NKD1: variants seen among roughly 807,000 people sequenced by gnomAD.
NKD1 encodes the protein protein naked cuticle homolog 1.
A neutral mutation model predicts 56.0 loss-of-function variants in NKD1; 21 were observed. That is an observed-to-expected ratio of 0.38 (90% CI 0.27 to 0.54). The LOEUF (loss-of-function observed/expected upper bound fraction) is 0.54. Among genes scored for constraint, NKD1 ranks in the 20% least tolerant of loss-of-function variants. The pLI is 0.82. For synonymous variants in NKD1, 263 were observed against 265.7 expected (o/e 0.99, Z 0.10); for missense variants, 578 against 642.7 (o/e 0.90, Z 1.09).
In NKD1 at chr16:50,592,234, C is replaced by T. The variant is rs560971525; in HGVS notation, c.193-16060C>T. ...CAAGGCCAGCGCGTTGCTGCTGCCG[C>T]CGCCTGGGGGCTGCTGGACTGGGCG... On this transcript the variant is annotated intron_variant, in intron 3 of 9. Transcript: ENST00000268459. 6.2e-4 allele frequency among the ~76,000 whole-genome samples: 95 copies of T among 152,336 alleles called. 1 individual carries two copies. Among genetic ancestry groups the T allele is most frequent in the African/African-American group, 2.2e-3 (92 of 41,590 alleles).
intron 3 of NKD1, chr16:50,572,974 T>A: frequency 1.6e-6 from 1 of 644,300 alleles, no homozygotes; most frequent in Non-Finnish European, 1.9e-6. Context: ...GCCTGCTGCC[T>A]AGCAGTTGTG....
intron 3 of NKD1, among the ~76,000 whole-genome samples, chr16:50,559,713 A>G (rs912681486): frequency 1.3e-5 from 2 of 152,140 alleles, no homozygotes; most frequent in Non-Finnish European, 2.9e-5. Flanking sequence ...TCAGGTTGGA[A>G]GAGGTAGGGA....
intron 3 of NKD1, among the ~76,000 whole-genome samples, chr16:50,589,786 C>T (rs1002493185): frequency 5.3e-5 from 6 of 112,394 alleles, no homozygotes; most frequent in South Asian, 3.5e-4. Context: ...CCTCTCCTCT[C>T]CTCTCCTCTC....
At chr16:50,616,806 T>G (rs1010542972) in intron 4 of NKD1, among the ~76,000 whole-genome samples, 1 of 152,146 alleles carries the variant, frequency 6.6e-6, no homozygotes, top group Non-Finnish European at 1.5e-5. Context: ...AAGCTGCCCC[T>G]CCTCAAGACA....
chr16:50,562,671 G>A (rs968172574), intron 3 of NKD1, among the ~76,000 whole-genome samples: 1 of 152,108 alleles, frequency 6.6e-6, no homozygotes, highest in East Asian at 1.9e-4. Flanking sequence ...CTGAGCCTGA[G>A]TCAGAACCTT....
In NKD1 at chr16:50,548,649, C is replaced by T. The variant is rs1239163034; in HGVS notation, c.26-68C>T. 4 of 1,463,124 alleles carry T rather than the reference C, an allele frequency of 2.7e-6. No homozygotes were observed. The Admixed American group carries it at 1.0e-4, about 37-fold the overall frequency. 90.6% of individuals were successfully genotyped at this position (1,463,124 alleles called of 1,614,324 possible). ...GCCGCCGCGGTCGCTAACTCTCTCC[C>T]TTCCTTTCTTTCCTTCTCCCGCCGC... On this transcript the variant is annotated intron_variant, in intron 1 of 9. Transcript: ENST00000268459.
chr16:50,557,579 A>C (rs996381959), intron 3 of NKD1: 1 of 152,218 alleles, frequency 6.6e-6, no homozygotes, highest in Non-Finnish European at 1.5e-5. Flanking sequence ...ATTTTGTCAC[A>C]TGCTGTTGGG....
intron 3 of NKD1, among the ~76,000 whole-genome samples, chr16:50,583,124 C>T (rs957540685): frequency 2.0e-4 from 30 of 152,150 alleles, no homozygotes; most frequent in African/African-American, 7.2e-4. Context: ...GTGGCTGCAA[C>T]TTGTTGCCCT....
intron 3 of NKD1, among the ~76,000 whole-genome samples, chr16:50,589,766 C>CTCTTCTCTT (rs1596724314): frequency 6.2e-4 from 36 of 57,902 alleles, no homozygotes; most frequent in African/African-American, 1.5e-3. Flanking sequence ...TCTCTTCTCT[C>CTCTTCTCTT]CTCTCCTCTC....
At chr16:50,548,614 C>A in intron 1 of NKD1, 36 bp downstream of exon 1, 2 of 1,444,234 alleles carry the variant, frequency 1.4e-6, no homozygotes, top group South Asian at 1.4e-5. Flanking sequence ...CCCCGGGCCC[C>A]GCCGCCGTCG....
At chr16:50,590,357 CAT>C (rs1190401850) in intron 3 of NKD1, among the ~76,000 whole-genome samples, 23 of 152,362 alleles carry the variant, frequency 1.5e-4, no homozygotes, top group African/African-American at 4.6e-4. Flanking sequence ...AAAATCCCCA[CAT>C]GTGTTCACAC....
In NKD1 at chr16:50,632,951, T is replaced by C. The variant is rs749908632; in HGVS notation, c.824-241T>C. ...TTTTCGGGGTCTCTGCTGCCATCTG[T>C]CTTTCTCGGCTCCCTCTCGGAGAGT... On this transcript the variant is annotated intron_variant, in intron 9 of 9. Coordinates refer to ENST00000268459, the MANE Select transcript of NKD1 (RefSeq NM_033119.5). The surrounding 1 kb of genome is among the most constrained non-coding windows in gnomAD (Gnocchi z 4.1). 2.6e-5 allele frequency among the ~76,000 whole-genome samples: 4 copies of C among 152,208 alleles called. No individual in the cohort carries two copies. Among genetic ancestry groups the C allele is most frequent in the Non-Finnish European group, 5.9e-5 (4 of 68,036 alleles).
At chr16:50,562,790 G>C (rs1158327806) in intron 3 of NKD1, among the ~76,000 whole-genome samples, 1 of 152,110 alleles carries the variant, frequency 6.6e-6, no homozygotes, top group Non-Finnish European at 1.5e-5. Context: ...CATTTGTAGT[G>C]TAGCGGGACC....
rs202122626 is a variant in NKD1, at chr16:50,621,635, G to A, written c.293G>A (p.Gly98Asp). 3 of 1,613,908 alleles carry A rather than the reference G, an allele frequency of 1.9e-6. No homozygotes were observed. Among genetic ancestry groups the A allele is most frequent in the Non-Finnish European group, 2.5e-6 (3 of 1,179,950 alleles). Residue 98 changes from glycine (G) to aspartate (D), a missense_variant, in exon 5 of 10, where the codon GGC becomes GAC. By Grantham distance (94) the Gly-to-Asp change is moderately conservative. Transcript: ENST00000268459. ...ALPPEKTDGL[G>D]SGDEKKMERV... is the part of the protein sequence containing the mutation. Reference sequence around the variant, plus strand: ...CCTCCTGAGAAGACTGACGGGCTGGGCAGCGGAGATGAGAAGAAGATGGAG... The same window carrying A: ...CCTCCTGAGAAGACTGACGGGCTGGACAGCGGAGATGAGAAGAAGATGGAG...
chr16:50,625,701 T>C (rs1237744956), intron 6 of NKD1, 121 bp downstream of exon 6: 2 of 677,374 alleles, frequency 3.0e-6, no homozygotes, highest in African/African-American at 3.6e-5. Context: ...GGGAAGGCCG[T>C]AACAGCCAGG....
Position 50,574,507 on chromosome 16 carries a change from G to C in NKD1, c.192+24952G>C. 3.0e-6 allele frequency: 3 copies of C among 985,448 alleles called. No individual in the cohort carries two copies. In the South Asian group the frequency reaches 1.4e-4, roughly 46 times the overall value. 61.0% of individuals were successfully genotyped at this position (985,448 alleles called of 1,614,324 possible). On this transcript the variant is annotated intron_variant, in intron 3 of 9. Transcript: ENST00000268459. Reference sequence around the variant, plus strand: ...AACTCTCCATTTTGCTCCTCCTGCTGCTGGTGGCCGAGGCCCAGGCACGGC... The same window carrying C: ...AACTCTCCATTTTGCTCCTCCTGCTCCTGGTGGCCGAGGCCCAGGCACGGC...
intron 3 of NKD1, among the ~76,000 whole-genome samples, chr16:50,602,739 T>A (rs936997649): frequency 2.6e-4 from 39 of 152,234 alleles, no homozygotes; most frequent in Admixed American, 2.4e-3. Flanking sequence ...ACAGTCTGCG[T>A]GTCTTCCTGT....
At chr16:50,588,528 C>T (rs1961277885) in intron 3 of NKD1, among the ~76,000 whole-genome samples, 1 of 151,276 alleles carries the variant, frequency 6.6e-6, no homozygotes, top group Admixed American at 6.6e-5. Flanking sequence ...CCCAGGTAGG[C>T]TGGGTTGAAA....
intron 3 of NKD1, among the ~76,000 whole-genome samples, chr16:50,590,656 A>G (rs1420876814): frequency 6.6e-6 from 1 of 152,236 alleles, no homozygotes; most frequent in Admixed American, 6.5e-5. Context: ...GGTACAAAGA[A>G]GTTTATTAGT....
Sources: allele counts gnomAD v4.1 joint callset (sites outside exome capture counted in the v4.1 genomes callset), GRCh38; gene constraint gnomAD v4.1.1; non-coding constraint Gnocchi (gnomAD v3.1); transcripts MANE v1.5; gene names NCBI Gene and HGNC (gene_info 2026-07-23, HGNC 2026-07-21).